The following LOC400499 variants were observed in gnomAD, a reference collection of about 807,000 sequenced individuals.
chr16:11,422,354 C>T, the LOC400499 span, among the ~76,000 whole-genome samples: 353 of 152,168 alleles, frequency 2.3e-3, 2 homozygotes, highest in Non-Finnish European at 3.5e-3. Context: ...GAGCTGAGGT[C>T]ATGCCACTAC....
chr16:11,374,683 C>CAT, the LOC400499 span, among the ~76,000 whole-genome samples: 12,538 of 152,228 alleles, frequency 0.082, 706 homozygotes, highest in Non-Finnish European at 0.13. Context: ...AAGGCTGAAT[C>CAT]ATGATTGATT....
At chr16:11,375,786 A>G in the LOC400499 span, among the ~76,000 whole-genome samples, 3,520 of 142,096 alleles carry the variant, frequency 0.025, 154 homozygotes, top group African/African-American at 0.087. Context: ...CTGGAGTGCA[A>G]TGGTGCAATC....
At chr16:11,421,519 C>T in the LOC400499 span, among the ~76,000 whole-genome samples, 8 of 152,136 alleles carry the variant, frequency 5.3e-5, no homozygotes, top group Middle Eastern at 0.01. Context: ...CTCCTGCCTC[C>T]GCCTCCCAAG....
chr16:11,474,561 T>G, the LOC400499 span, among the ~76,000 whole-genome samples: 1 of 152,144 alleles, frequency 6.6e-6, no homozygotes, highest in African/African-American at 2.4e-5. Flanking sequence ...ACTGAAGTGG[T>G]TGGTAAAGGA....
chr16:11,492,966 C>T, the LOC400499 span, among the ~76,000 whole-genome samples: 1 of 152,126 alleles, frequency 6.6e-6, no homozygotes, highest in Admixed American at 6.6e-5. Context: ...GGCCTGGGGA[C>T]ATCTGGAGGA....
the LOC400499 span, among the ~76,000 whole-genome samples, chr16:11,516,650 C>A: frequency 2.6e-5 from 4 of 152,218 alleles, no homozygotes; most frequent in African/African-American, 7.2e-5. Flanking sequence ...ATGTGCCACC[C>A]CAAAATATGC....
chr16:11,449,048 T>A, the LOC400499 span: 1 of 1,490,662 alleles, frequency 6.7e-7, no homozygotes, highest in African/African-American at 1.4e-5. Context: ...CGTTCCAGGC[T>A]GACTCGAGTT....
the LOC400499 span, among the ~76,000 whole-genome samples, chr16:11,425,741 C>T: frequency 6.6e-6 from 1 of 152,156 alleles, no homozygotes; most frequent in Non-Finnish European, 1.5e-5. Context: ...AAGAACGCTC[C>T]AGACGTCTTC....
the LOC400499 span, among the ~76,000 whole-genome samples, chr16:11,423,607 T>C: frequency 6.6e-6 from 1 of 152,184 alleles, no homozygotes; most frequent in Non-Finnish European, 1.5e-5. Flanking sequence ...GCAGCCTGGC[T>C]TCAGGCCAGG....
At chr16:11,519,675 A>C in the LOC400499 span, among the ~76,000 whole-genome samples, 1 of 151,744 alleles carries the variant, frequency 6.6e-6, no homozygotes, top group Non-Finnish European at 1.5e-5. Flanking sequence ...GAAAGAAGCC[A>C]GACACAAAAA....
chr16:11,514,328 G>A, the LOC400499 span: 1 of 399,180 alleles, frequency 2.5e-6, no homozygotes, highest in Non-Finnish European at 4.4e-6. Flanking sequence ...GCCACGGCCA[G>A]GGGGTGGCCA....
At chr16:11,496,096 T>G in the LOC400499 span, among the ~76,000 whole-genome samples, 1 of 151,728 alleles carries the variant, frequency 6.6e-6, no homozygotes, top group Non-Finnish European at 1.5e-5. Context: ...GATGGAGTCT[T>G]GCTCTTGTCA....
At chr16:11,523,914 CCCCACT>C in the LOC400499 span, among the ~76,000 whole-genome samples, 1 of 140,264 alleles carries the variant, frequency 7.1e-6, no homozygotes, top group East Asian at 2.2e-4. Flanking sequence ...CCACCCCCAC[CCCCACT>C]CCTATCCACC....
chr16:11,450,092 T>C, the LOC400499 span, among the ~76,000 whole-genome samples: 1 of 152,194 alleles, frequency 6.6e-6, no homozygotes, highest in African/African-American at 2.4e-5. Context: ...TGCCCTCGGA[T>C]GAGCCCAATC....
chr16:11,426,070 T>G, the LOC400499 span, among the ~76,000 whole-genome samples: 1 of 152,154 alleles, frequency 6.6e-6, no homozygotes, highest in Admixed American at 6.5e-5. Flanking sequence ...TTAACAAAAT[T>G]AAAGTGAAAA....
At chr16:11,419,703 C>T in the LOC400499 span, among the ~76,000 whole-genome samples, 2 of 152,230 alleles carry the variant, frequency 1.3e-5, no homozygotes, top group Non-Finnish European at 2.9e-5. Flanking sequence ...ACCTACTCAT[C>T]TGACAAAGGG....
At chr16:11,387,239 T>G in the LOC400499 span, 3 of 1,232,276 alleles carry the variant, frequency 2.4e-6, no homozygotes, top group Non-Finnish European at 3.0e-6. Context: ...CCGGGCCACG[T>G]CCAGGGGCTC....
the LOC400499 span, among the ~76,000 whole-genome samples, chr16:11,483,994 CTTTTTTTTTTT>C: frequency 6.0e-4 from 21 of 34,830 alleles, no homozygotes; most frequent in Admixed American, 2.6e-3. Flanking sequence ...GAGGAAGGGA[CTTTTTTTTTTT>C]TTTTTTTTTT....
At chr16:11,444,958 G>A in the LOC400499 span, among the ~76,000 whole-genome samples, 3 of 152,088 alleles carry the variant, frequency 2.0e-5, no homozygotes, top group Non-Finnish European at 4.4e-5. Context: ...TGGTGGTAAT[G>A]TGTGCCTGTG....
Sources: allele counts gnomAD v4.1 joint callset (sites outside exome capture counted in the v4.1 genomes callset), GRCh38; gene constraint gnomAD v4.1.1; transcripts MANE v1.5.